The following KCTD16 variants were observed in gnomAD, a reference collection of about 807,000 sequenced individuals.
KCTD16 encodes BTB/POZ domain-containing protein KCTD16.
KCTD16 carries 13 observed loss-of-function variants against 33.2 expected under a neutral mutation model. The observed-to-expected ratio is 0.39, with a 90% CI of 0.25 to 0.62. The LOEUF is 0.62. Ranked by LOEUF, KCTD16 falls within the 20% of genes least tolerant of loss-of-function variation. KCTD16 has a pLI of 0.50. For synonymous variants in KCTD16, 197 were observed against 195.3 expected, an observed-to-expected ratio of 1.01 and a Z score of -0.07; for missense variants, 441 against 525.1, an observed-to-expected ratio of 0.84 and a Z score of 1.57.
chr5:144,335,990 T>A (rs1212693912), intron 3 of KCTD16, among the ~76,000 whole-genome samples: 1 of 152,166 alleles, frequency 6.6e-6, no homozygotes, highest in African/African-American at 2.4e-5. Flanking sequence ...CAGGGTTTTC[T>A]TGTGCTTTTT....
At chr5:144,396,476 G>A (rs752235625) in intron 3 of KCTD16, among the ~76,000 whole-genome samples, 9 of 152,032 alleles carry the variant, frequency 5.9e-5, no homozygotes, top group Non-Finnish European at 1.2e-4. Context: ...AATAAAACTC[G>A]GAACATATTC....
At chr5:144,192,484 G>A (rs533560667) in intron 2 of KCTD16, among the ~76,000 whole-genome samples, 15 of 152,308 alleles carry the variant, frequency 9.8e-5, no homozygotes, top group Non-Finnish European at 1.6e-4. Context: ...ACCAGGGAAC[G>A]AATAAAGCGA....
At chr5:144,369,129 C>G (rs1194828955) in intron 3 of KCTD16, among the ~76,000 whole-genome samples, 1 of 152,132 alleles carries the variant, frequency 6.6e-6, no homozygotes, top group South Asian at 2.1e-4. Flanking sequence ...AGCTCTGCAC[C>G]TGCAGAAAGT....
At chr5:144,428,374 T>A (rs1753381627) in intron 3 of KCTD16, among the ~76,000 whole-genome samples, 1 of 152,164 alleles carries the variant, frequency 6.6e-6, no homozygotes, top group Non-Finnish European at 1.5e-5. Context: ...TTTTATACCA[T>A]AACTTGGTAA....
At chr5:144,413,686 A>G (rs976439313) in intron 3 of KCTD16, among the ~76,000 whole-genome samples, 3 of 152,200 alleles carry the variant, frequency 2.0e-5, no homozygotes, top group Admixed American at 1.3e-4. Context: ...TATTTATTAT[A>G]CTAACACTAG....
intron 3 of KCTD16, among the ~76,000 whole-genome samples, chr5:144,279,383 T>C (rs1257911411): frequency 6.6e-6 from 1 of 152,226 alleles, no homozygotes; most frequent in Non-Finnish European, 1.5e-5. Context: ...GATCTCCATT[T>C]TAAGGAGAAA....
intron 3 of KCTD16, chr5:144,439,265 G>T (rs1753647186): frequency 1.1e-5 from 4 of 363,036 alleles, no homozygotes; most frequent in South Asian, 9.0e-5. Flanking sequence ...TTGAGTATTG[G>T]CATGTCATGT....
chr5:144,401,462 A>C (rs1270377712), intron 3 of KCTD16, among the ~76,000 whole-genome samples: 1 of 152,194 alleles, frequency 6.6e-6, no homozygotes, highest in Non-Finnish European at 1.5e-5. Context: ...ATGTATTAAA[A>C]AAAGTTAAAG....
chr5:144,246,759 A>G (rs1754560095), intron 3 of KCTD16, among the ~76,000 whole-genome samples: 1 of 152,102 alleles, frequency 6.6e-6, no homozygotes. Context: ...CTTCTTCTTC[A>G]TCATTGTCAT....
intron 3 of KCTD16, among the ~76,000 whole-genome samples, chr5:144,357,703 G>A (rs1751603238): frequency 6.6e-6 from 1 of 152,190 alleles, no homozygotes; most frequent in Non-Finnish European, 1.5e-5. Flanking sequence ...GAATAGGCAG[G>A]AGTTTGCTAG....
chr5:144,329,507 A>G (rs1005498807), intron 3 of KCTD16, among the ~76,000 whole-genome samples: 1 of 152,184 alleles, frequency 6.6e-6, no homozygotes, highest in South Asian at 2.1e-4. Context: ...CCCTTGCAGC[A>G]TCTAAAAGTG....
At position 144,299,130 on chromosome 5, in the gene KCTD16, ATATATATATATATATATATTTTT is replaced by A. The variant is rs1561558689; in HGVS notation, c.832+91586_832+91608del. 1.4e-3 allele frequency among the ~76,000 whole-genome samples: 37 copies of A among 27,090 alleles called. 1 individual carries two copies. The highest frequency in any genetic ancestry group is 0.014 in the African/African-American group (34 of 2,512). The allele number at this position is 27,090 out of a possible 152,430, so 17.8% of individuals were successfully genotyped here. A position where few individuals can be genotyped will look rare whatever the true frequency, so the allele number is the denominator to read the frequency against. On this transcript the variant is annotated intron_variant, in intron 3 of 3. Coordinates refer to ENST00000512467, the MANE Select transcript of KCTD16 (RefSeq NM_020768.4). ...TATATATATATATATATATATATAT[ATATATATATATATATATATTTTT>A]TTTTTTTTTTTTAACCTGTCACTGA... is the stretch of plus-strand genomic sequence containing the variant.
At chr5:144,259,861 T>C (rs1357963273) in intron 3 of KCTD16, among the ~76,000 whole-genome samples, 2 of 152,194 alleles carry the variant, frequency 1.3e-5, no homozygotes, top group African/African-American at 4.8e-5. Flanking sequence ...ACATTTTCTT[T>C]ATAGTACCTT....
chr5:144,210,897 G>A (rs778246682), intron 3 of KCTD16, among the ~76,000 whole-genome samples: 25 of 152,200 alleles, frequency 1.6e-4, no homozygotes, highest in Non-Finnish European at 2.9e-4. Flanking sequence ...CTGTGATAAC[G>A]TGACCACACT....
chr5:144,259,632 AT>A (rs757133204), intron 3 of KCTD16, among the ~76,000 whole-genome samples: 1 of 152,038 alleles, frequency 6.6e-6, no homozygotes, highest in Admixed American at 6.5e-5. Flanking sequence ...AGAAAGATAT[AT>A]TTTCTTAGGG....
intron 2 of KCTD16, among the ~76,000 whole-genome samples, chr5:144,197,253 A>G (rs1396379134): frequency 6.6e-6 from 1 of 152,202 alleles, no homozygotes. Flanking sequence ...TCCTAAAAGC[A>G]ATGTCTTATT....
Position 144,207,456 on chromosome 5 carries a change from G to T in KCTD16, c.742G>T (p.Val248Leu), listed in dbSNP as rs1369592911. ...DMLSECGFHMVACNSSVTASF... is the reference protein window; with the variant it reads ...DMLSECGFHMLACNSSVTASF... ...GTTGTCAGAGTGTGGATTCCACATG[G>T]TGGCCTGTAACTCATCGGTGACAGC... The change falls in exon 3 of 4, where the codon GTG (valine) becomes TTG (leucine). Residue 248 changes from valine to leucine, a missense_variant. Physicochemically the swap from Val to Leu is conservative, Grantham distance 32. Around this residue, in one of 3 missense-constraint regions of KCTD16, gnomAD observed 355 missense variants for 413.0 expected, o/e 0.86. Coordinates refer to ENST00000512467, the MANE Select transcript of KCTD16 (RefSeq NM_020768.4). The T allele has an allele frequency of 1.2e-6, 2 of 1,614,070 alleles. No homozygotes were observed. The highest frequency in any genetic ancestry group is 2.7e-5 in the African/African-American group (2 of 74,930).
chr5:144,292,134 G>T (rs547333846), intron 3 of KCTD16, among the ~76,000 whole-genome samples: 35 of 152,306 alleles, frequency 2.3e-4, no homozygotes, highest in Admixed American at 1.8e-3. Flanking sequence ...ATTGCTGAAG[G>T]GATATTTGGC....
intron 3 of KCTD16, among the ~76,000 whole-genome samples, chr5:144,248,827 G>A (rs868813398): frequency 6.6e-6 from 1 of 152,168 alleles, no homozygotes; most frequent in African/African-American, 2.4e-5. Context: ...GGGTTGGAGA[G>A]AAATCTTAGT....
Sources: gnomAD v4.1 joint callset for allele counts (sites outside exome capture counted in the v4.1 genomes callset) on GRCh38, gnomAD v4.1.1 for gene constraint, gnomAD v4.1.1 regional missense constraint, MANE v1.5 for transcripts, NCBI Gene and HGNC (gene_info 2026-07-23, HGNC 2026-07-21) for gene names.